The following EDARADD variants were observed in gnomAD, a reference collection of about 807,000 sequenced individuals.
EDARADD encodes the protein ectodysplasin-A receptor-associated adapter protein.
Under a neutral mutation model 25.6 loss-of-function variants are expected in EDARADD, and 20 were observed. The observed-to-expected ratio is 0.78, with a 90% CI of 0.55 to 1.14. The LOEUF (loss-of-function observed/expected upper bound fraction) is 1.14. EDARADD is among the 50% of genes most tolerant of loss of function. The probability of loss-of-function intolerance (pLI) is 0.00; values close to 1 mark genes in which losing one functional copy is unlikely to be tolerated. For synonymous variants in EDARADD, 86 were observed against 94.4 expected (o/e 0.91, Z 0.52); for missense variants, 225 against 270.1 (o/e 0.83, Z 1.17).
intron 4 of EDARADD, 97 bp from the exon 5 acceptor site, chr1:236,468,134 C>A (rs895281473): frequency 4.8e-6 from 6 of 1,249,828 alleles, no homozygotes; most frequent in Non-Finnish European, 7.1e-6. Context: ...CCCCAGCCCC[C>A]AGGGTTTTGG....
chr1:236,411,364 T>C (rs1295198499), intron 2 of EDARADD, among the ~76,000 whole-genome samples: 2 of 152,104 alleles, frequency 1.3e-5, no homozygotes, highest in Non-Finnish European at 2.9e-5. Flanking sequence ...GAAGAATCTT[T>C]CCTTGTCTCT....
intron 5 of EDARADD, among the ~76,000 whole-genome samples, chr1:236,475,332 G>T (rs1229226490): frequency 6.6e-6 from 1 of 152,192 alleles, no homozygotes; most frequent in Non-Finnish European, 1.5e-5. Context: ...TTTGATAGGA[G>T]AAAACCTTGT....
intron 4 of EDARADD, among the ~76,000 whole-genome samples, chr1:236,450,158 G>T (rs1658671915): frequency 6.6e-6 from 1 of 151,996 alleles, no homozygotes; most frequent in South Asian, 2.1e-4. Flanking sequence ...AGGGCCCAGT[G>T]TGGTGGTGCA....
intron 4 of EDARADD, among the ~76,000 whole-genome samples, chr1:236,442,538 C>T (rs1272180998): frequency 5.3e-5 from 8 of 152,180 alleles, no homozygotes; most frequent in East Asian, 1.9e-4. Context: ...TTAATGCAGC[C>T]GATGACCTTA....
intron 3 of EDARADD, among the ~76,000 whole-genome samples, chr1:236,377,585 C>T (rs916931715): frequency 4.7e-5 from 7 of 150,004 alleles, no homozygotes; most frequent in African/African-American, 1.5e-4. Flanking sequence ...TTTGGCTGAG[C>T]GTGGTGGCTC....
At chr1:236,447,444 C>T (rs1658593528) in intron 4 of EDARADD, among the ~76,000 whole-genome samples, 1 of 151,966 alleles carries the variant, frequency 6.6e-6, no homozygotes, top group South Asian at 2.1e-4. Context: ...TTAGTAGAGA[C>T]AGGGTTTTGC....
rs200892504 is a variant in EDARADD, at chr1:236,415,011, T to TC, written c.160+718dup. On this transcript the variant is annotated intron_variant, in intron 3 of 5. Coordinates refer to ENST00000334232, the MANE Select transcript of EDARADD (RefSeq NM_145861.4). ...GTTGGCTCCATTCTTGGGCAGGATT[T>TC]CCCCCCGTGGAGGGAAAGATGATTA... Among the ~76,000 whole-genome samples the TC allele has an allele frequency of 7.5e-3, 1,135 of 152,232 alleles. 16 individuals are homozygous for TC. The highest frequency in any genetic ancestry group is 0.026 in the African/African-American group (1,076 of 41,540).
chr1:236,395,500 C>G lies in EDARADD; in HGVS notation c.61+995C>G. 6.6e-7 allele frequency: 1 copy of G among 1,524,712 alleles called. No homozygotes were observed. Among genetic ancestry groups the G allele is most frequent in the Non-Finnish European group, 8.8e-7 (1 of 1,139,864 alleles). 94.4% of individuals were successfully genotyped at this position (1,524,712 alleles called of 1,614,324 possible). A position where few individuals can be genotyped will look rare whatever the true frequency, so the allele number is the denominator to read the frequency against. ...GGGAAGGCGGAGGAGGGCAGGGGCG[C>G]GCAGAGCCACGGTTTGCTCCAGGCG... On this transcript the variant is annotated intron_variant, in intron 1 of 5. Coordinates refer to ENST00000334232, the MANE Select transcript of EDARADD (RefSeq NM_145861.4). This position sits in a 1 kb window ranked among gnomAD's most constrained non-coding sequence, Gnocchi z 6.9.
intron 4 of EDARADD, among the ~76,000 whole-genome samples, chr1:236,441,996 G>A (rs1224721315): frequency 6.6e-6 from 1 of 152,198 alleles, no homozygotes; most frequent in African/African-American, 2.4e-5. Flanking sequence ...AGAAGCTGCA[G>A]CAAGTAATCC....
intron 3 of EDARADD, among the ~76,000 whole-genome samples, chr1:236,423,962 C>T (rs532453786): frequency 1.5e-3 from 228 of 151,924 alleles, no homozygotes; most frequent in South Asian, 5.2e-3. Context: ...AAAAATTAGC[C>T]GGGCGTGGTG....
At chr1:236,429,539 C>T (rs1248431740) in intron 4 of EDARADD, among the ~76,000 whole-genome samples, 3 of 116,796 alleles carry the variant, frequency 2.6e-5, no homozygotes, top group Non-Finnish European at 4.0e-5. Context: ...CACCATGACC[C>T]GCTAATTTTT....
chr1:236,461,343 G>A (rs567636038), intron 4 of EDARADD, among the ~76,000 whole-genome samples: 41 of 152,218 alleles, frequency 2.7e-4, no homozygotes, highest in Non-Finnish European at 5.3e-4. Context: ...TGGAGATAGG[G>A]GTCTAGTTTC....
chr1:236,392,254 A>C (rs966572748), upstream of EDARADD, among the ~76,000 whole-genome samples: 1 of 152,190 alleles, frequency 6.6e-6, no homozygotes, highest in Non-Finnish European at 1.5e-5. Flanking sequence ...CAATAAACTA[A>C]ATTCCAAGGA....
intron 4 of EDARADD, 37 bp downstream of exon 4, chr1:236,427,487 C>A (rs1361567932): frequency 6.4e-7 from 1 of 1,559,788 alleles, no homozygotes; most frequent in Admixed American, 1.9e-5. Context: ...CCCTTAGGTA[C>A]ATGATAATCC....
At chr1:236,421,971 G>A (rs1263064015) in intron 3 of EDARADD, among the ~76,000 whole-genome samples, 1 of 152,222 alleles carries the variant, frequency 6.6e-6, no homozygotes, top group Admixed American at 6.5e-5. Flanking sequence ...GAGGGAGAGG[G>A]CCACATGGTG....
chr1:236,388,813 C>G (rs1280537326), intron 3 of EDARADD, among the ~76,000 whole-genome samples: 1 of 152,160 alleles, frequency 6.6e-6, no homozygotes, highest in Non-Finnish European at 1.5e-5. Flanking sequence ...AGAATAAGTT[C>G]TAAATGACAA....
In EDARADD at chr1:236,484,369, A is replaced by G; in HGVS notation, c.*1720A>G. 6.4e-7 allele frequency: 1 copy of G among 1,569,440 alleles called. No individual in the cohort carries two copies. The highest frequency in any genetic ancestry group is 1.1e-5 in the South Asian group (1 of 90,058). ...AAGACTGGTGCCCCTTGCTGATCTG[A>G]GCGCTTGGCCAAGTACAACCAGCTC... On this transcript the variant is annotated 3_prime_UTR_variant, in exon 6 of 6. Coordinates refer to ENST00000334232, the MANE Select transcript of EDARADD (RefSeq NM_145861.4). This position sits in a 1 kb window ranked among gnomAD's most constrained non-coding sequence, Gnocchi z 4.1.
upstream of EDARADD, chr1:236,394,240 TA>T: frequency 1.7e-6 from 1 of 576,512 alleles, no homozygotes; most frequent in Non-Finnish European, 3.1e-6. Flanking sequence ...AAATTGATTC[TA>T]AGATAAAATA....
chr1:236,424,665 G>C (rs999012308), intron 3 of EDARADD, among the ~76,000 whole-genome samples: 6 of 152,002 alleles, frequency 3.9e-5, no homozygotes, highest in Non-Finnish European at 8.8e-5. Flanking sequence ...TAAAAACTGT[G>C]GGCTTGTGTC....
Sources: gnomAD v4.1 joint callset for allele counts (sites outside exome capture counted in the v4.1 genomes callset) on GRCh38, gnomAD v4.1.1 for gene constraint, Gnocchi (gnomAD v3.1) non-coding constraint, MANE v1.5 for transcripts, NCBI Gene and HGNC (gene_info 2026-07-23, HGNC 2026-07-21) for gene names.